The following ST8SIA6 variants were observed in gnomAD, a reference collection of about 807,000 sequenced individuals.
The protein encoded by ST8SIA6 is ST8 alpha-N-acetyl-neuraminide alpha-2,8-sialyltransferase 6, also known as alpha-2,8-sialyltransferase 8F.
A neutral mutation model predicts 33.6 loss-of-function variants in ST8SIA6; 39 were observed. The observed-to-expected ratio is 1.16, with a 90% CI of 0.90 to 1.52. The LOEUF is 1.52. ST8SIA6 is among the 40% of genes most tolerant of loss of function. The pLI is 0.00. For missense variants in ST8SIA6, 441 were observed against 443.8 expected, an observed-to-expected ratio of 0.99 and a Z score of 0.06; for synonymous variants, 172 against 167.2, an observed-to-expected ratio of 1.03 and a Z score of -0.22.
chr10:17,400,679 C>G (rs1383583816), intron 2 of ST8SIA6, among the ~76,000 whole-genome samples: 3 of 152,114 alleles, frequency 2.0e-5, no homozygotes, highest in Non-Finnish European at 4.4e-5. Context: ...AGACAAAAAC[C>G]ACATGATTAT....
chr10:17,406,246 C>T (rs984723668), intron 2 of ST8SIA6, among the ~76,000 whole-genome samples: 1 of 152,166 alleles, frequency 6.6e-6, no homozygotes, highest in Admixed American at 6.5e-5. Context: ...CCCTATTTTG[C>T]ACCTAAAGCC....
chr10:17,401,367 A>G (rs1469374470), intron 2 of ST8SIA6, among the ~76,000 whole-genome samples: 3 of 152,248 alleles, frequency 2.0e-5, no homozygotes, highest in Admixed American at 6.5e-5. Flanking sequence ...AAGGTAATTT[A>G]TAGATACAGT....
intron 2 of ST8SIA6, among the ~76,000 whole-genome samples, chr10:17,404,711 C>T (rs1187943364): frequency 2.0e-5 from 3 of 152,132 alleles, no homozygotes; most frequent in Non-Finnish European, 4.4e-5. Context: ...GACCCCGCTG[C>T]GCTGCTCCTT....
intron 3 of ST8SIA6, among the ~76,000 whole-genome samples, chr10:17,370,030 C>T (rs1004681670): frequency 2.7e-5 from 4 of 148,978 alleles, no homozygotes; most frequent in South Asian, 2.1e-4. Context: ...CTAGCTCTGT[C>T]GCTGCAGTGG....
intron 2 of ST8SIA6, among the ~76,000 whole-genome samples, chr10:17,427,178 C>T (rs779142598): frequency 1.3e-5 from 2 of 151,756 alleles, no homozygotes; most frequent in African/African-American, 2.4e-5. Flanking sequence ...ATGTTCAATG[C>T]CACGGTCTGA....
At chr10:17,375,580 T>C (rs1849887341) in intron 3 of ST8SIA6, among the ~76,000 whole-genome samples, 1 of 152,224 alleles carries the variant, frequency 6.6e-6, no homozygotes, top group South Asian at 2.1e-4. Context: ...TTTTAAGTGG[T>C]ACAGCATGAA....
intron 3 of ST8SIA6, among the ~76,000 whole-genome samples, chr10:17,366,420 T>C (rs1031335657): frequency 6.6e-6 from 1 of 152,140 alleles, no homozygotes; most frequent in Non-Finnish European, 1.5e-5. Flanking sequence ...TACTGTATTA[T>C]TTGAAAAAGC....
chr10:17,441,302 A>ATATTTATTTATT lies in ST8SIA6; in HGVS notation c.200+12256_200+12257insAATAAATAAATA, dbSNP rs1175088506. Among the ~76,000 whole-genome samples, 642 of 81,358 alleles carry ATATTTATTTATT rather than the reference A, an allele frequency of 7.9e-3. 2 individuals carry two copies. The highest frequency in any genetic ancestry group is 0.051 in the African/African-American group (532 of 10,482). 53.4% of individuals were successfully genotyped at this position (81,358 alleles called of 152,430 possible). A position where few individuals can be genotyped will look rare whatever the true frequency, so the allele number is the denominator to read the frequency against. On this transcript the variant is annotated intron_variant, in intron 2 of 7. Transcript: ENST00000377602. The stretch of plus-strand genomic sequence containing the variant: ...ATAGTGTAAGGTAAGCATCTAAATT[A>ATATTTATTTATT]TCTTTATTTATTTATTTATTTATTT...
At chr10:17,396,045 A>G (rs553718589) in intron 2 of ST8SIA6, among the ~76,000 whole-genome samples, 2 of 152,320 alleles carry the variant, frequency 1.3e-5, no homozygotes, top group South Asian at 2.1e-4. Flanking sequence ...GGTTAGCATG[A>G]GAAGCCTCCG....
At chr10:17,373,468 C>A (rs149263528) in intron 3 of ST8SIA6, among the ~76,000 whole-genome samples, 1,666 of 152,242 alleles carry the variant, frequency 0.011, 32 homozygotes, top group African/African-American at 0.038. Context: ...TAAAACCCAA[C>A]CTGCTCTTCC....
rs373482534 is a variant in ST8SIA6, at chr10:17,320,926, G to A, written c.1149C>T (p.His383=). ...ATTGCAGTTTGAGGATTCCTTTCAT[G>A]TGAAGTTGGAGGATCTGGCTGTATT... ...PKEYSQILQL[H]MKGILKLQFS... The change falls in exon 8 of 8, where the codon CAC becomes CAT. Residue 383 remains histidine (H), a synonymous_variant. Coordinates refer to ENST00000377602, the MANE Select transcript of ST8SIA6 (RefSeq NM_001004470.3). The A allele has an allele frequency of 4.4e-5, 71 of 1,613,958 alleles. No individual in the cohort carries two copies. The highest frequency in any genetic ancestry group is 2.0e-4 in the South Asian group (18 of 91,080).
Position 17,413,837 on chromosome 10 carries a change from A to G in ST8SIA6, c.201-23217T>C, listed in dbSNP as rs1588902401. 3.3e-5 allele frequency among the ~76,000 whole-genome samples: 5 copies of G among 152,214 alleles called. No individual in the cohort carries two copies. In the South Asian group the frequency reaches 1.0e-3, roughly 31 times the overall value. On this transcript the variant is annotated intron_variant, in intron 2 of 7. Transcript: ENST00000377602. Reference sequence around the variant, plus strand: ...AGTTACTGTAAGACTGATAACTCACATTGTCGTTTACCAAGTATTTCCATT... The same window carrying G: ...AGTTACTGTAAGACTGATAACTCACGTTGTCGTTTACCAAGTATTTCCATT...
chr10:17,427,036 G>A (rs117168182), intron 2 of ST8SIA6, among the ~76,000 whole-genome samples: 3,615 of 151,766 alleles, frequency 0.024, 50 homozygotes, highest in South Asian at 0.054. Context: ...ACCCGGAGGC[G>A]GAGGTTGCAA....
chr10:17,450,339 A>G (rs1399916635), intron 2 of ST8SIA6, among the ~76,000 whole-genome samples: 1 of 152,176 alleles, frequency 6.6e-6, no homozygotes, highest in African/African-American at 2.4e-5. Context: ...AAGGATCAAC[A>G]TCACCCTGTA....
chr10:17,429,269 AC>A (rs1040332588), intron 2 of ST8SIA6, among the ~76,000 whole-genome samples: 1 of 150,708 alleles, frequency 6.6e-6, no homozygotes, highest in Non-Finnish European at 1.5e-5. Context: ...CACCACCAGC[AC>A]CCCCACATAC....
At chr10:17,366,270 G>C (rs1470289605) in intron 3 of ST8SIA6, among the ~76,000 whole-genome samples, 1 of 152,120 alleles carries the variant, frequency 6.6e-6, no homozygotes, top group Non-Finnish European at 1.5e-5. Flanking sequence ...GGGAAAAAGG[G>C]ATCTGCAACT....
intron 2 of ST8SIA6, among the ~76,000 whole-genome samples, chr10:17,402,667 C>T (rs571034187): frequency 4.5e-4 from 69 of 152,082 alleles, no homozygotes; most frequent in Admixed American, 1.2e-3. Flanking sequence ...AGCAAACTAT[C>T]GCAAGAACAA....
rs143567250 is a variant in ST8SIA6, at chr10:17,420,185, G to A, written c.201-29565C>T. 2.0e-4 allele frequency among the ~76,000 whole-genome samples: 30 copies of A among 152,282 alleles called. 1 individual carries two copies. Among genetic ancestry groups the A allele is most frequent in the Middle Eastern group, 3.4e-3 (1 of 294 alleles). ...TCCCAGCACTTTCGGAGGCCGAGAC[G>A]GGCGGATCACGAGGTCAGGAGATCG... is the stretch of plus-strand genomic sequence containing the variant. On this transcript the variant is annotated intron_variant, in intron 2 of 7. Coordinates refer to ENST00000377602, the MANE Select transcript of ST8SIA6 (RefSeq NM_001004470.3).
chr10:17,441,238 C>CCTA (rs1250436429), intron 2 of ST8SIA6, among the ~76,000 whole-genome samples: 9 of 151,928 alleles, frequency 5.9e-5, no homozygotes, highest in Non-Finnish European at 1.3e-4. Flanking sequence ...CTGTCTGTAG[C>CCTA]TTTTGTCTGT....
Sources: gnomAD v4.1 joint callset for allele counts (sites outside exome capture counted in the v4.1 genomes callset) on GRCh38, gnomAD v4.1.1 for gene constraint, MANE v1.5 for transcripts, NCBI Gene and HGNC (gene_info 2026-07-23, HGNC 2026-07-21) for gene names.